MYRIP: variants seen among roughly 807,000 people sequenced by gnomAD.
The protein encoded by MYRIP is myosin VIIA and Rab interacting protein.
In MYRIP, 49 loss-of-function variants were observed where a neutral mutation model predicts 98.0. The observed-to-expected ratio is 0.50, with a 90% CI of 0.40 to 0.63. The LOEUF (loss-of-function observed/expected upper bound fraction) is 0.63, where lower values mean the gene tolerates loss of function less well. MYRIP is among the 30% of genes least tolerant of loss of function. MYRIP has a pLI of 0.00. For missense variants in MYRIP, 1,004 were observed against 1,058.2 expected (o/e 0.95, Z 0.71); for synonymous variants, 404 against 409.5 (o/e 0.99, Z 0.16).
chr3:40,189,800 G>T, intron 9 of MYRIP, 26 bp from the exon 10 acceptor site: 3 of 1,571,598 alleles, frequency 1.9e-6, no homozygotes, highest in Non-Finnish European at 8.6e-7. Flanking sequence ...GCCCCTCTCT[G>T]CTTTCTCTAT....
intron 2 of MYRIP, among the ~76,000 whole-genome samples, chr3:40,034,061 A>C (rs1038082673): frequency 6.6e-6 from 1 of 152,182 alleles, no homozygotes; most frequent in Non-Finnish European, 1.5e-5. Flanking sequence ...CACCTTATAC[A>C]AAAATTAATT....
At chr3:40,095,275 G>A (rs934513976) in intron 3 of MYRIP, among the ~76,000 whole-genome samples, 1 of 152,304 alleles carries the variant, frequency 6.6e-6, no homozygotes, top group African/African-American at 2.4e-5. Flanking sequence ...CTTCAGGGAA[G>A]ACTGTCAGGC....
chr3:40,240,863 G>C (rs1952988739), intron 12 of MYRIP, among the ~76,000 whole-genome samples: 1 of 152,154 alleles, frequency 6.6e-6, no homozygotes, highest in African/African-American at 2.4e-5. Flanking sequence ...CATGAAAGGG[G>C]CTGTTAACTC....
intron 3 of MYRIP, among the ~76,000 whole-genome samples, chr3:40,133,947 A>G (rs1261773339): frequency 1.3e-5 from 2 of 152,194 alleles, no homozygotes; most frequent in Non-Finnish European, 2.9e-5. Context: ...TACAGCTCCC[A>G]GCATGAGCGA....
chr3:39,921,911 C>T (rs147003216), intron 2 of MYRIP, among the ~76,000 whole-genome samples: 4 of 144,654 alleles, frequency 2.8e-5, no homozygotes, highest in African/African-American at 5.1e-5. Flanking sequence ...AAAGTGTTGA[C>T]GGCTGTCTGA....
chr3:40,006,616 C>A (rs1199795869), intron 2 of MYRIP, among the ~76,000 whole-genome samples: 3 of 152,198 alleles, frequency 2.0e-5, no homozygotes, highest in Non-Finnish European at 2.9e-5. Context: ...CCTATATTCT[C>A]ACTTCAGGAA....
At chr3:40,003,251 G>T (rs181537288) in intron 2 of MYRIP, among the ~76,000 whole-genome samples, 9 of 152,278 alleles carry the variant, frequency 5.9e-5, no homozygotes, top group Admixed American at 4.6e-4. Context: ...GCTCTGTGTG[G>T]GAATCGGTGG....
intron 2 of MYRIP, among the ~76,000 whole-genome samples, chr3:39,903,663 G>A (rs1415899394): frequency 6.6e-6 from 1 of 152,148 alleles, no homozygotes; most frequent in Non-Finnish European, 1.5e-5. Context: ...GCACTGCCCT[G>A]GGTACTGCAC....
At chr3:40,095,860 C>T (rs1215654818) in intron 3 of MYRIP, among the ~76,000 whole-genome samples, 4 of 151,742 alleles carry the variant, frequency 2.6e-5, no homozygotes, top group Admixed American at 2.6e-4. Context: ...TGCCCTCTCC[C>T]ACTTGTCCTT....
chr3:39,960,428 A>G (rs145280156), intron 2 of MYRIP, among the ~76,000 whole-genome samples: 211 of 152,264 alleles, frequency 1.4e-3, no homozygotes, highest in African/African-American at 4.8e-3. Context: ...TAATAATAGC[A>G]TGCAGTAAAC....
At chr3:39,873,934 T>C (rs936445656) in intron 1 of MYRIP, among the ~76,000 whole-genome samples, 2 of 152,074 alleles carry the variant, frequency 1.3e-5, no homozygotes, top group Admixed American at 6.5e-5. Context: ...TTGGGCAGTA[T>C]GGCCATTTTC....
At chr3:40,212,045 T>C (rs1193087525) in intron 11 of MYRIP, among the ~76,000 whole-genome samples, 7 of 151,338 alleles carry the variant, frequency 4.6e-5, no homozygotes, top group African/African-American at 1.7e-4. Flanking sequence ...GAATTAAATA[T>C]TCAAACATAT....
At chr3:40,073,237 G>A (rs1948268126) in intron 3 of MYRIP, among the ~76,000 whole-genome samples, 1 of 152,170 alleles carries the variant, frequency 6.6e-6, no homozygotes, top group Non-Finnish European at 1.5e-5. Context: ...TTGGAGGAAA[G>A]GATTCCACCA....
chr3:40,008,781 G>A (rs111644937), intron 2 of MYRIP, among the ~76,000 whole-genome samples: 68 of 152,316 alleles, frequency 4.5e-4, no homozygotes, highest in Non-Finnish European at 5.7e-4. Context: ...GAGTGATATT[G>A]CTGAAAGAAC....
At chr3:40,222,409 G>A (rs1028720725) in intron 11 of MYRIP, among the ~76,000 whole-genome samples, 2 of 152,124 alleles carry the variant, frequency 1.3e-5, no homozygotes, top group African/African-American at 4.8e-5. Context: ...TCCTGGCCCT[G>A]TTTTAACTAG....
chr3:40,169,850 T>G, intron 7 of MYRIP, 100 bp from the exon 8 acceptor site: 2 of 1,431,342 alleles, frequency 1.4e-6, no homozygotes, highest in Non-Finnish European at 1.9e-6. Flanking sequence ...ATTAAGCTTA[T>G]AAGTGGCTGA....
intron 2 of MYRIP, among the ~76,000 whole-genome samples, chr3:39,926,635 G>A (rs1002125742): frequency 1.3e-5 from 2 of 152,048 alleles, no homozygotes; most frequent in African/African-American, 4.8e-5. Flanking sequence ...TCAGAGATCA[G>A]ATGGTTGTAG....
Position 40,210,067 on chromosome 3 carries a change from CAG to C in MYRIP, c.1882_1883del (p.Ser628CysfsTer47), listed in dbSNP as rs1312970218. 6.2e-7 allele frequency: 1 copy of C among 1,613,944 alleles called. No individual in the cohort carries two copies. The highest frequency in any genetic ancestry group is 1.3e-5 in the African/African-American group (1 of 75,036). On this transcript the variant is annotated frameshift_variant, in exon 11 of 17. Transcript: ENST00000302541. LOFTEE classifies it high-confidence loss of function. ...KESLSSEDNSQSVQEELKKKF... is the reference protein window; with the variant it reads ...KESLSSEDNSXSVQEELKKKF... ...AAGTCTGTCCTCTGAAGACAACAGC[CAG>C]AGTGTCCAGGAAGAGCTGAAGAAGG...
chr3:40,064,898 G>C (rs1298512230), intron 3 of MYRIP, among the ~76,000 whole-genome samples: 1 of 152,162 alleles, frequency 6.6e-6, no homozygotes, highest in African/African-American at 2.4e-5. Flanking sequence ...GGGAACACTG[G>C]ATAACTGTGA....
Sources: gnomAD v4.1 joint callset for allele counts (sites outside exome capture counted in the v4.1 genomes callset) on GRCh38, gnomAD v4.1.1 for gene constraint, MANE v1.5 for transcripts, NCBI Gene and HGNC (gene_info 2026-07-23, HGNC 2026-07-21) for gene names.